SLC35B1: variants seen among roughly 807,000 people sequenced by gnomAD.
SLC35B1 encodes ATP/ADP exchanger ER.
SLC35B1 carries 27 observed loss-of-function variants against 36.6 expected under a neutral mutation model. The observed-to-expected ratio is 0.74, with a 90% CI of 0.54 to 1.02. SLC35B1 has a LOEUF of 1.02. Ranked by LOEUF, SLC35B1 falls within the 50% of genes least tolerant of loss-of-function variation. SLC35B1 has a pLI of 0.00. For missense variants in SLC35B1, 321 were observed against 383.2 expected (o/e 0.84, Z 1.35); for synonymous variants, 162 against 152.5 (o/e 1.06, Z -0.46).
At chr17:49,705,749 G>T in intron 4 of SLC35B1, 117 bp downstream of exon 4, 1 of 971,724 alleles carries the variant, frequency 1.0e-6, no homozygotes, top group Non-Finnish European at 1.7e-6. Flanking sequence ...CTGGGGGAAA[G>T]TCCCTGGAGA....
intron 8 of SLC35B1, 68 bp from the exon 9 acceptor site, chr17:49,701,578 G>C (rs1430039180): frequency 1.4e-6 from 2 of 1,388,564 alleles, no homozygotes; most frequent in East Asian, 2.3e-5. Context: ...ATTGTGGTGG[G>C]GTGGGGTAGT....
At chr17:49,707,645 G>T in intron 1 of SLC35B1, 85 bp downstream of exon 1, 1 of 1,504,290 alleles carries the variant, frequency 6.6e-7, no homozygotes, top group Non-Finnish European at 9.0e-7. Flanking sequence ...AGGACAAGAG[G>T]AAAGCCCGGG....
rs2073385735 is a variant in SLC35B1, at chr17:49,704,145, T to C, written c.610A>G (p.Met204Val). The C allele has an allele frequency of 2.5e-6, 4 of 1,614,064 alleles. No homozygotes were observed. The highest frequency in any genetic ancestry group is 1.1e-5 in the South Asian group (1 of 91,094). ...GACCAAAGGTTGATGTTCAGCATCA[T>C]GTGGTTGGAGCCTGTTTGGTAATGA... ...RAHYQTGSNH[M>V]MLNINLWSTL... Residue 204 changes from methionine (M) to valine (V), a missense_variant, in exon 6 of 9, where the codon ATG becomes GTG. Coordinates refer to ENST00000240333, the MANE Select transcript of SLC35B1 (RefSeq NM_005827.4).
chr17:49,703,768 T>C (rs944070466), intron 6 of SLC35B1: 2 of 360,694 alleles, frequency 5.5e-6, no homozygotes, highest in South Asian at 2.5e-5. Flanking sequence ...CTGTCTTCAG[T>C]GTACAGCTAA....
chr17:49,708,076 C>T, upstream of SLC35B1: 1 of 808,120 alleles, frequency 1.2e-6, no homozygotes, highest in South Asian at 1.5e-5. Context: ...GCCCTGGGAC[C>T]TTGGCTCCAT....
Position 49,707,765 on chromosome 17 carries a change from G to A in SLC35B1, c.69C>T (p.Val23=), listed in dbSNP as rs779716664. The change falls in exon 1 of 9, where the codon GTC becomes GTT. Residue 23 remains valine, a synonymous_variant. Coordinates refer to ENST00000240333, the MANE Select transcript of SLC35B1 (RefSeq NM_005827.4). ...GCAGGATCCCATAGTAAAAATAGCA[G>A]ACAAAGACACCCAGGAAGCAGAGCG... ...RLPLCFLGVF[V]CYFYYGILQE... The A allele has an allele frequency of 5.6e-6, 9 of 1,611,970 alleles. No homozygotes were observed. Among genetic ancestry groups the A allele is most frequent in the East Asian group, 4.5e-5 (2 of 44,890 alleles).
chr17:49,706,744 C>G (rs1455660738), intron 2 of SLC35B1, among the ~76,000 whole-genome samples: 1 of 152,210 alleles, frequency 6.6e-6, no homozygotes, highest in Non-Finnish European at 1.5e-5. Context: ...GACCCATTCT[C>G]TGAACATTTC....
At position 49,705,233 on chromosome 17, in the gene SLC35B1, T is replaced by C. The variant is rs2073400623; in HGVS notation, c.419A>G (p.Lys140Arg). 6.2e-7 allele frequency: 1 copy of C among 1,614,218 alleles called. No individual in the cohort carries two copies. The highest frequency in any genetic ancestry group is 8.5e-7 in the Non-Finnish European group (1 of 1,180,028). The change falls in exon 5 of 9, where the codon AAG becomes AGG. Residue 140 changes from lysine to arginine, a missense_variant. Coordinates refer to ENST00000240333, the MANE Select transcript of SLC35B1 (RefSeq NM_005827.4). ...TLLKKKYPLA[K>R]YLCVLLIVAG... Reference sequence around the variant, plus strand: ...CACAATTAACAGCACACACAGGTACTTGGCCAACGGGTACTTCTTCTTCAA... The same window carrying C: ...CACAATTAACAGCACACACAGGTACCTGGCCAACGGGTACTTCTTCTTCAA...
chr17:49,708,193 G>A (rs1487560460), upstream of SLC35B1: 1 of 616,474 alleles, frequency 1.6e-6, no homozygotes, highest in South Asian at 1.8e-5. Flanking sequence ...ACCACAGGGT[G>A]TCCTAGAGCC....
intron 2 of SLC35B1, 42 bp from the exon 3 acceptor site, chr17:49,706,376 G>GAAAA (rs376610823): frequency 6.5e-5 from 34 of 521,208 alleles, no homozygotes; most frequent in South Asian, 2.7e-4. Flanking sequence ...GAAAAGAAAA[G>GAAAA]AAAAAAAAAA....
intron 8 of SLC35B1, 177 bp downstream of exon 8, chr17:49,702,681 T>G: frequency 6.7e-6 from 4 of 594,576 alleles, no homozygotes; most frequent in Admixed American, 3.1e-5. Context: ...GCTCACCCGA[T>G]TGGTGAGCTG....
chr17:49,702,842 C>G lies in SLC35B1; in HGVS notation c.916+16G>C. ...AAAAAATTCAGCTGTCACTGTGTCT[C>G]TGTGTGGCCACTTACCCAGGAACAC... On this transcript the variant is annotated intron_variant, in intron 8 of 8. Coordinates refer to ENST00000240333, the MANE Select transcript of SLC35B1 (RefSeq NM_005827.4). The G allele has an allele frequency of 1.2e-6, 2 of 1,610,142 alleles. No homozygotes were observed. The highest frequency in any genetic ancestry group is 1.3e-5 in the African/African-American group (1 of 74,972).
Position 49,707,268 on chromosome 17 carries a change from T to C in SLC35B1, c.105-200A>G. The C allele has an allele frequency of 3.4e-6, 5 of 1,458,978 alleles. No homozygotes were observed. In the South Asian group the frequency reaches 5.0e-5, roughly 15 times the overall value. 90.4% of individuals were successfully genotyped at this position (1,458,978 alleles called of 1,614,324 possible). On this transcript the variant is annotated intron_variant, in intron 1 of 8. Coordinates refer to ENST00000240333, the MANE Select transcript of SLC35B1 (RefSeq NM_005827.4). ...GAAACTAGACATCCCAGCCTACTGA[T>C]TCCAAAGCCTAAGAAAAGAATACCC...
At chr17:49,701,654 C>T in intron 8 of SLC35B1, 144 bp from the exon 9 acceptor site, 3 of 629,144 alleles carry the variant, frequency 4.8e-6, no homozygotes, top group Non-Finnish European at 5.7e-6. Context: ...TTTTATGTAA[C>T]TTCCTCAGAG....
At chr17:49,706,814 G>A (rs2073424719) in intron 2 of SLC35B1, 151 bp downstream of exon 2, 2 of 614,202 alleles carry the variant, frequency 3.3e-6, no homozygotes, top group African/African-American at 1.8e-5. Flanking sequence ...AAAGTCATTA[G>A]TTTTACAGAC....
At chr17:49,705,809 G>A in intron 4 of SLC35B1, 57 bp downstream of exon 4, 1 of 1,544,230 alleles carries the variant, frequency 6.5e-7, no homozygotes, top group South Asian at 1.1e-5. Flanking sequence ...GTAGCAGAGA[G>A]AGAGCTTACT....
At position 49,707,792 on chromosome 17, in the gene SLC35B1, C is replaced by A; in HGVS notation, c.42G>T (p.Leu14=). ...SSSLVPDRLR[L]PLCFLGVFVC... ...CAAAGACACCCAGGAAGCAGAGCGG[C>A]AGGCGCAGCCGGTCGGGCACCAGGG... is the stretch of plus-strand genomic sequence containing the variant. Residue 14 remains leucine (L), a synonymous_variant, in exon 1 of 9, where the codon CTG becomes CTT. Transcript: ENST00000240333. 6.2e-7 allele frequency: 1 copy of A among 1,611,786 alleles called. No homozygotes were observed. Among genetic ancestry groups the A allele is most frequent in the Non-Finnish European group, 8.5e-7 (1 of 1,179,782 alleles).
At chr17:49,707,360 G>A (rs1427199616) in intron 1 of SLC35B1, 4 of 1,429,098 alleles carry the variant, frequency 2.8e-6, no homozygotes, top group South Asian at 1.2e-5. Flanking sequence ...AGGAGGAGAC[G>A]GTATTTCGGC....
intron 1 of SLC35B1, 192 bp from the exon 2 acceptor site, chr17:49,707,260 C>A: frequency 6.9e-7 from 1 of 1,445,796 alleles, no homozygotes; most frequent in Non-Finnish European, 9.2e-7. Context: ...GACATCCCAG[C>A]CTACTGATTC....
Sources: allele counts gnomAD v4.1 joint callset (sites outside exome capture counted in the v4.1 genomes callset), GRCh38; gene constraint gnomAD v4.1.1; transcripts MANE v1.5; gene names NCBI Gene and HGNC (gene_info 2026-07-23, HGNC 2026-07-21).